The following PCDHA13 variants were observed in gnomAD, a reference collection of about 807,000 sequenced individuals.
PCDHA13 encodes the protein protocadherin alpha 13, also known as protocadherin alpha-13.
Under a neutral mutation model 64.8 loss-of-function variants are expected in PCDHA13, and 54 were observed. The ratio of observed to expected loss-of-function variants is 0.83; its 90% CI spans 0.67 to 1.04. The LOEUF is 1.04. Ranked by LOEUF, PCDHA13 falls within the 50% of genes least tolerant of loss-of-function variation. The pLI, the probability that PCDHA13 is intolerant of heterozygous loss-of-function variation, is 0.00. For synonymous variants in PCDHA13, 587 were observed against 564.4 expected (o/e 1.04, Z -0.57); for missense variants, 1,248 against 1,254.3 (o/e 0.99, Z 0.08).
At chr5:141,004,810 A>G (rs2098182429) in intron 3 of PCDHA13, among the ~76,000 whole-genome samples, 1 of 152,224 alleles carries the variant, frequency 6.6e-6, no homozygotes, top group Non-Finnish European at 1.5e-5. Flanking sequence ...GCTCAATTGC[A>G]GATTTGATTA....
At chr5:140,922,092 C>G (rs188826380) in intron 1 of PCDHA13, among the ~76,000 whole-genome samples, 2 of 152,184 alleles carry the variant, frequency 1.3e-5, no homozygotes. Context: ...GGTATTTCTA[C>G]CAACTATAGA....
intron 3 of PCDHA13, 32 bp from the exon 4 acceptor site, chr5:141,009,595 C>A (rs781807814): frequency 6.2e-7 from 1 of 1,604,124 alleles, no homozygotes; most frequent in African/African-American, 1.3e-5. Context: ...TGTGTTGACC[C>A]TGTTAATGAT....
intron 1 of PCDHA13, chr5:140,926,536 G>T (rs1420585785): frequency 4.6e-6 from 1 of 217,790 alleles, no homozygotes. Flanking sequence ...CGCAGCCAGC[G>T]TGGTGGTCGA....
rs1005130215 is a variant in PCDHA13 at position 140,976,643 on chromosome 5, A to G, written c.2395-2306A>G. On this transcript the variant is annotated intron_variant, in intron 1 of 3. Coordinates refer to ENST00000289272, the MANE Select transcript of PCDHA13 (RefSeq NM_018904.3). ...AGCTGAACTCAGCAATCAGACAAGT[A>G]ATTTAATCTCTCCAAAGTTCAGATG... Among the ~76,000 whole-genome samples the G allele has an allele frequency of 2.0e-5, 3 of 152,236 alleles. No homozygotes were observed. In the South Asian group the frequency reaches 6.2e-4, roughly 31 times the overall value.
intron 1 of PCDHA13, among the ~76,000 whole-genome samples, chr5:140,897,478 G>T (rs1554187409): frequency 1.3e-5 from 2 of 151,844 alleles, no homozygotes; most frequent in African/African-American, 4.8e-5. Flanking sequence ...TGAGAATGAT[G>T]ATTTCCAATT....
At position 140,977,800 on chromosome 5, in the gene PCDHA13, T is replaced by G. The variant is rs572772764; in HGVS notation, c.2395-1149T>G. On this transcript the variant is annotated intron_variant, in intron 1 of 3. Coordinates refer to ENST00000289272, the MANE Select transcript of PCDHA13 (RefSeq NM_018904.3). Reference sequence around the variant, plus strand: ...AAAGGAACTATATGAATGATAGGAATAAGAATTATTGACAGTTTTGAATGG... The same window carrying G: ...AAAGGAACTATATGAATGATAGGAAGAAGAATTATTGACAGTTTTGAATGG... Among the ~76,000 whole-genome samples, 3 of 152,356 alleles carry G rather than the reference T, an allele frequency of 2.0e-5. No individual in the cohort carries two copies. In the East Asian group the frequency reaches 5.8e-4, roughly 29 times the overall value.
At chr5:140,915,650 C>G (rs1554197017) in intron 1 of PCDHA13, among the ~76,000 whole-genome samples, 1 of 151,636 alleles carries the variant, frequency 6.6e-6, no homozygotes, top group Non-Finnish European at 1.5e-5. Flanking sequence ...CTCTCTCTCT[C>G]TCTCTCAAGG....
chr5:140,903,023 G>A (rs1554190732), intron 1 of PCDHA13, among the ~76,000 whole-genome samples: 1 of 152,126 alleles, frequency 6.6e-6, no homozygotes, highest in East Asian at 1.9e-4. Context: ...TATCAACATG[G>A]CTTGCACATG....
intron 1 of PCDHA13, among the ~76,000 whole-genome samples, chr5:140,939,871 T>G (rs2092481346): frequency 6.6e-6 from 1 of 152,230 alleles, no homozygotes; most frequent in Non-Finnish European, 1.5e-5. Context: ...TAGGTCATCT[T>G]TGCTAGTTGT....
At chr5:141,004,573 G>A (rs2098171340) in intron 3 of PCDHA13, among the ~76,000 whole-genome samples, 1 of 152,220 alleles carries the variant, frequency 6.6e-6, no homozygotes, top group South Asian at 2.1e-4. Context: ...ATATCTCTGT[G>A]TTCTGCATCT....
intron 1 of PCDHA13, among the ~76,000 whole-genome samples, chr5:140,886,270 T>A (rs957205805): frequency 2.0e-5 from 3 of 151,996 alleles, no homozygotes; most frequent in Admixed American, 6.5e-5. Flanking sequence ...ATAGATAAAA[T>A]TTTTTAAAAT....
intron 1 of PCDHA13, among the ~76,000 whole-genome samples, chr5:140,950,294 C>T (rs1396440202): frequency 6.6e-6 from 1 of 151,970 alleles, no homozygotes; most frequent in African/African-American, 2.4e-5. Context: ...ACCTGAAAAA[C>T]TTTACTTAGC....
chr5:140,973,134 C>T (rs999970948), intron 1 of PCDHA13, among the ~76,000 whole-genome samples: 6 of 152,182 alleles, frequency 3.9e-5, no homozygotes, highest in Admixed American at 6.5e-5. Flanking sequence ...AGTTTGCATT[C>T]ACTTTCACTT....
intron 1 of PCDHA13, among the ~76,000 whole-genome samples, chr5:140,886,521 C>A (rs1056353739): frequency 5.9e-5 from 9 of 152,038 alleles, no homozygotes; most frequent in African/African-American, 1.9e-4. Flanking sequence ...TTAAGGTCTG[C>A]ATATTCAGTT....
chr5:140,947,020 G>A (rs782772876), intron 1 of PCDHA13, among the ~76,000 whole-genome samples: 3 of 151,616 alleles, frequency 2.0e-5, no homozygotes, highest in Non-Finnish European at 4.4e-5. Flanking sequence ...AATGTTTGAG[G>A]TAATGGATAT....
chr5:140,906,545 T>C (rs1477554651), intron 1 of PCDHA13, among the ~76,000 whole-genome samples: 2 of 152,256 alleles, frequency 1.3e-5, no homozygotes, highest in Admixed American at 6.5e-5. Context: ...TCCTCATTTC[T>C]GCAACTGGTT....
At chr5:140,984,824 C>A (rs920985683) in intron 3 of PCDHA13, among the ~76,000 whole-genome samples, 1 of 152,098 alleles carries the variant, frequency 6.6e-6, no homozygotes, top group Non-Finnish European at 1.5e-5. Context: ...TCTTAATTAC[C>A]CTTTCTGTAA....
At position 140,967,577 on chromosome 5, in the gene PCDHA13, C is replaced by T. The variant is rs141338011; in HGVS notation, c.2395-11372C>T. Reference sequence around the variant, plus strand: ...TCGCGTCCAGCTACGGGAGGACTCACCCCCAGGCACATTGGTGGTGAAGCT... The same window carrying T: ...TCGCGTCCAGCTACGGGAGGACTCATCCCCAGGCACATTGGTGGTGAAGCT... On this transcript the variant is annotated intron_variant, in intron 1 of 3. Transcript: ENST00000289272. 11 of 1,614,016 alleles carry T rather than the reference C, an allele frequency of 6.8e-6. No homozygotes were observed. Among genetic ancestry groups the T allele is most frequent in the African/African-American group, 4.0e-5 (3 of 74,938 alleles).
At position 140,894,665 on chromosome 5, in the gene PCDHA13, G is replaced by T. The variant is rs189476056; in HGVS notation, c.2394+10003G>T. Among the ~76,000 whole-genome samples, 418 of 151,474 alleles carry T rather than the reference G, an allele frequency of 2.8e-3. 2 individuals are homozygous for T. Among genetic ancestry groups the T allele is most frequent in the Middle Eastern group, 0.011 (3 of 280 alleles). On this transcript the variant is annotated intron_variant, in intron 1 of 3. Transcript: ENST00000289272. ...CTGAGTCTCTCTAATTCTGATTTGT[G>T]TATTCTTGCATAGCTTTTCATTATT...
Sources: gnomAD v4.1 joint callset for allele counts (sites outside exome capture counted in the v4.1 genomes callset) on GRCh38, gnomAD v4.1.1 for gene constraint, MANE v1.5 for transcripts, NCBI Gene and HGNC (gene_info 2026-07-23, HGNC 2026-07-21) for gene names.